The following COPB1 variants were observed in gnomAD, a reference collection of about 807,000 sequenced individuals.
COPB1 encodes coat protein complex I subunit beta 1.
COPB1 carries 21 observed loss-of-function variants against 108.7 expected under a neutral mutation model. That is an observed-to-expected ratio of 0.19 (90% CI 0.14 to 0.28). The LOEUF (loss-of-function observed/expected upper bound fraction) is 0.28. COPB1 is among the 10% of genes least tolerant of loss of function. The pLI, the probability that COPB1 is intolerant of heterozygous loss-of-function variation, is 1.00. For synonymous variants in COPB1, 378 were observed against 386.8 expected (o/e 0.98, Z 0.27); for missense variants, 919 against 1,141.3 (o/e 0.81, Z 2.81).
intron 4 of COPB1, among the ~76,000 whole-genome samples, chr11:14,491,715 T>C (rs1038273687): frequency 4.0e-5 from 6 of 150,942 alleles, no homozygotes; most frequent in Non-Finnish European, 8.8e-5. Flanking sequence ...CACAAAGTTA[T>C]ACCTTCATCT....
chr11:14,493,695 A>C lies in COPB1; in HGVS notation c.438T>G (p.His146Gln). ...LMPAIRACLE[H>Q]RHSYVRRNAV... ...CATTTCTTCTAACATAGCTGTGTCG[A>C]TGCTCCAAACATGCACGAATAGCTG... Residue 146 changes from histidine (H) to glutamine (Q), a missense_variant, in exon 4 of 22, where the codon CAT becomes CAG. Around this residue, in one of 5 missense-constraint regions of COPB1, gnomAD observed 78 missense variants for 95.4 expected, o/e 0.82. Transcript: ENST00000439561. 1 of 1,613,438 alleles carries C rather than the reference A, an allele frequency of 6.2e-7. No homozygotes were observed. Among genetic ancestry groups the C allele is most frequent in the Non-Finnish European group, 8.5e-7 (1 of 1,179,838 alleles).
intron 18 of COPB1, among the ~76,000 whole-genome samples, chr11:14,462,848 T>C (rs972207093): frequency 3.9e-5 from 6 of 152,134 alleles, no homozygotes; most frequent in African/African-American, 1.4e-4. Flanking sequence ...ATACTCGAGG[T>C]TCTCTTATTT....
At chr11:14,481,186 T>A (rs1589962486) in intron 8 of COPB1, 89 bp from the exon 9 acceptor site, 1 of 933,618 alleles carries the variant, frequency 1.1e-6, no homozygotes, top group East Asian at 2.4e-5. Context: ...GGTTTATCTA[T>A]CATCACTTTA....
chr11:14,489,125 C>G lies in COPB1; in HGVS notation c.607-541G>C, dbSNP rs114214513. On this transcript the variant is annotated intron_variant, in intron 5 of 21. Coordinates refer to ENST00000439561, the MANE Select transcript of COPB1 (RefSeq NM_001144061.2). ...AAGAGGACAAAACACTGCTCATATACGCAGCTTTCTCATAATCTTGTTTAG... is the reference window on the plus strand; with the variant it reads ...AAGAGGACAAAACACTGCTCATATAGGCAGCTTTCTCATAATCTTGTTTAG... Among the ~76,000 whole-genome samples the G allele has an allele frequency of 3.8e-3, 574 of 152,256 alleles. 3 individuals are homozygous for G. Among genetic ancestry groups the G allele is most frequent in the African/African-American group, 0.012 (512 of 41,548 alleles).
rs765440055 is a variant in COPB1 at position 14,483,026 on chromosome 11, A to T, written c.957+6T>A. The T allele has an allele frequency of 6.5e-7, 1 of 1,538,150 alleles. No individual in the cohort carries two copies. The highest frequency in any genetic ancestry group is 8.8e-7 in the Non-Finnish European group (1 of 1,131,298). On this transcript the variant is annotated splice_donor_region_variant and intron_variant, in intron 8 of 21. Coordinates refer to ENST00000439561, the MANE Select transcript of COPB1 (RefSeq NM_001144061.2). ...TTAGGATCTCTCTTTTTCAGATAACACTTACCTGTAGTACTCGTTCATGAG... is the reference window on the plus strand; with the variant it reads ...TTAGGATCTCTCTTTTTCAGATAACTCTTACCTGTAGTACTCGTTCATGAG...
At chr11:14,498,194 CAA>C (rs1450331046) in intron 2 of COPB1, among the ~76,000 whole-genome samples, 2 of 152,142 alleles carry the variant, frequency 1.3e-5, no homozygotes, top group Admixed American at 6.5e-5. Flanking sequence ...ACACAGAAGA[CAA>C]ATGCTTGAAG....
chr11:14,466,251 A>C (rs747816713), intron 17 of COPB1, 31 bp downstream of exon 17: 4 of 1,607,112 alleles, frequency 2.5e-6, no homozygotes, highest in Non-Finnish European at 1.7e-6. Context: ...ACTATGTGAC[A>C]ATCTCTTTCC....
At chr11:14,467,884 G>A (rs1026276036) in intron 16 of COPB1, among the ~76,000 whole-genome samples, 5 of 152,178 alleles carry the variant, frequency 3.3e-5, no homozygotes, top group African/African-American at 7.2e-5. Context: ...GGGGTAAGTA[G>A]AGGTTGAGGG....
In COPB1 at chr11:14,457,774, A is replaced by G; in HGVS notation, c.*50T>C. On this transcript the variant is annotated 3_prime_UTR_variant, in exon 22 of 22. Transcript: ENST00000439561. ...AGTACAAAAGATGTTGGAGTCCAGT[A>G]AGCCCATACCTAAATTAACTGTAAA... The G allele has an allele frequency of 8.6e-7, 1 of 1,166,764 alleles. No individual in the cohort carries two copies. Among genetic ancestry groups the G allele is most frequent in the Non-Finnish European group, 1.3e-6 (1 of 776,688 alleles). The allele number at this position is 1,166,764 out of a possible 1,614,324, so 72.3% of individuals were successfully genotyped here. A position where few individuals can be genotyped will look rare whatever the true frequency, so the allele number is the denominator to read the frequency against.
Position 14,479,721 on chromosome 11 carries a change from G to GAAAAAAAA in COPB1, c.1213-15_1213-8dup. On this transcript the variant is annotated splice_region_variant and splice_polypyrimidine_tract_variant and intron_variant, in intron 10 of 21. Coordinates refer to ENST00000439561, the MANE Select transcript of COPB1 (RefSeq NM_001144061.2). Reference sequence around the variant, plus strand: ...CACTGAGAAATTCCATTAACTAAAAGAAAAAAAAAAAAAAGAAAATGGAAC... The same window carrying GAAAAAAAA: ...CACTGAGAAATTCCATTAACTAAAAGAAAAAAAAAAAAAAAAAAAAAAGAAAATGGAAC... 5.1e-6 allele frequency: 6 copies of GAAAAAAAA among 1,171,894 alleles called. No individual in the cohort carries two copies. The highest frequency in any genetic ancestry group is 5.7e-5 in the East Asian group (2 of 35,010). 72.6% of individuals were successfully genotyped at this position (1,171,894 alleles called of 1,614,324 possible). A position where few individuals can be genotyped will look rare whatever the true frequency, so the allele number is the denominator to read the frequency against.
chr11:14,469,888 A>G (rs1473371342), intron 14 of COPB1, among the ~76,000 whole-genome samples: 1 of 152,202 alleles, frequency 6.6e-6, no homozygotes, highest in Non-Finnish European at 1.5e-5. Flanking sequence ...AAAGAATGAT[A>G]TACTTTACCA....
chr11:14,459,060 G>A (rs1460184945), intron 20 of COPB1, among the ~76,000 whole-genome samples: 4 of 152,118 alleles, frequency 2.6e-5, no homozygotes, highest in Non-Finnish European at 5.9e-5. Context: ...GAGCCACCAC[G>A]CCCAGCCCCA....
intron 18 of COPB1, 53 bp from the exon 19 acceptor site, chr11:14,461,384 A>G: frequency 6.3e-7 from 1 of 1,576,268 alleles, no homozygotes; most frequent in African/African-American, 1.4e-5. Flanking sequence ...ACTTGAATTT[A>G]AAAAATCTTA....
At position 14,466,566 on chromosome 11, in the gene COPB1, T is replaced by C. The variant is rs919065990; in HGVS notation, c.2146-140A>G. On this transcript the variant is annotated intron_variant, in intron 16 of 21. Transcript: ENST00000439561. Reference sequence around the variant, plus strand: ...TGAGATAGGTAAAATAAAATTGTTTTATAATGCAGAAATGGAAATTGAAAC... The same window carrying C: ...TGAGATAGGTAAAATAAAATTGTTTCATAATGCAGAAATGGAAATTGAAAC... 11 of 772,304 alleles carry C rather than the reference T, an allele frequency of 1.4e-5. No individual in the cohort carries two copies. In the Admixed American group the frequency reaches 2.4e-4, roughly 17 times the overall value. The allele number at this position is 772,304 out of a possible 1,614,324, so 47.8% of individuals were successfully genotyped here.
In COPB1 at chr11:14,474,478, A is replaced by G. The variant is rs1443509607; in HGVS notation, c.1737+17T>C. The G allele has an allele frequency of 6.2e-7, 1 of 1,609,982 alleles. No individual in the cohort carries two copies. The highest frequency in any genetic ancestry group is 8.5e-7 in the Non-Finnish European group (1 of 1,177,378). ...CAATGTTTAATTGTTGGTTAAATGT[A>G]AAATAAATGAACTTACATTTTGCTT... On this transcript the variant is annotated intron_variant, in intron 14 of 21. Transcript: ENST00000439561.
chr11:14,465,101 ACACACACACT>A (rs1207883815), intron 17 of COPB1, 71 bp from the exon 18 acceptor site: 64 of 1,190,146 alleles, frequency 5.4e-5, no homozygotes, highest in African/African-American at 2.9e-4. Context: ...ACACACACAC[ACACACACACT>A]AACCATAAAA....
intron 5 of COPB1, 106 bp downstream of exon 5, chr11:14,490,459 T>C (rs1396632333): frequency 6.4e-6 from 4 of 623,700 alleles, no homozygotes; most frequent in South Asian, 2.7e-5. Context: ...ACAAACCACA[T>C]GAACTATAAA....
At chr11:14,459,973 A>T (rs995572423) in intron 20 of COPB1, 7 of 302,350 alleles carry the variant, frequency 2.3e-5, no homozygotes, top group South Asian at 8.2e-5. Flanking sequence ...AAAAGAAAAT[A>T]AAAAAAAAAT....
chr11:14,478,626 AAAAT>A (rs1850582883), intron 11 of COPB1, among the ~76,000 whole-genome samples: 1 of 151,740 alleles, frequency 6.6e-6, no homozygotes, highest in African/African-American at 2.4e-5. Flanking sequence ...TTAGATTAAA[AAAAT>A]AAATAGAGAC....
Sources: allele counts gnomAD v4.1 joint callset (sites outside exome capture counted in the v4.1 genomes callset), GRCh38; gene constraint gnomAD v4.1.1; regional missense constraint gnomAD v4.1.1; transcripts MANE v1.5; gene names NCBI Gene and HGNC (gene_info 2026-07-23, HGNC 2026-07-21).